CREB5: variants seen among roughly 807,000 people sequenced by gnomAD.
The protein encoded by CREB5 is cAMP responsive element binding protein 5, also known as cyclic AMP-responsive element-binding protein 5.
In CREB5, 19 loss-of-function variants were observed where a neutral mutation model predicts 57.1. The observed-to-expected ratio is 0.33, with a 90% CI of 0.23 to 0.49. The LOEUF (loss-of-function observed/expected upper bound fraction) is 0.49, where lower values mean the gene tolerates loss of function less well. Ranked by LOEUF, CREB5 falls within the 20% of genes least tolerant of loss-of-function variation. The pLI is 0.99. For missense variants in CREB5, 579 were observed against 671.6 expected (o/e 0.86, Z 1.52); for synonymous variants, 238 against 238.3 (o/e 1.00, Z 0.01).
intron 1 of CREB5, among the ~76,000 whole-genome samples, chr7:28,312,115 C>G (rs79876301): frequency 0.02 from 3,066 of 151,678 alleles, 68 homozygotes; most frequent in Admixed American, 0.056. Context: ...TAGCTGTTAT[C>G]AACTTGATGT....
chr7:28,345,661 C>A (rs1786044137), intron 1 of CREB5, among the ~76,000 whole-genome samples: 1 of 152,142 alleles, frequency 6.6e-6, no homozygotes, highest in Admixed American at 6.5e-5. Context: ...TTAGCAATAT[C>A]TTGTGTTGGT....
At chr7:28,601,956 G>C (rs1796933916) in intron 5 of CREB5, among the ~76,000 whole-genome samples, 2 of 149,196 alleles carry the variant, frequency 1.3e-5, no homozygotes, top group Admixed American at 1.3e-4. Flanking sequence ...ATAAGATTAA[G>C]ACATATTCTT....
At chr7:28,469,401 G>C (rs79073408) in intron 1 of CREB5, among the ~76,000 whole-genome samples, 1 of 152,026 alleles carries the variant, frequency 6.6e-6, no homozygotes, top group African/African-American at 2.4e-5. Context: ...AAATTAGCTG[G>C]GGCAATTAAG....
chr7:28,612,302 G>T (rs141726902), intron 5 of CREB5, among the ~76,000 whole-genome samples: 1,868 of 152,104 alleles, frequency 0.012, 25 homozygotes, highest in Non-Finnish European at 0.021. Context: ...ATGTCTGTTT[G>T]CAGGTCTCAG....
At chr7:28,380,488 C>T (rs1583409346) in intron 1 of CREB5, among the ~76,000 whole-genome samples, 1 of 152,160 alleles carries the variant, frequency 6.6e-6, no homozygotes, top group South Asian at 2.1e-4. Context: ...AAGGAAGAAT[C>T]CCACTGTGGG....
rs566414329 is a variant in CREB5 at position 28,370,522 on chromosome 7, TA to T, written c.-25+71084del. 8.3e-4 allele frequency among the ~76,000 whole-genome samples: 126 copies of T among 152,328 alleles called. 2 individuals are homozygous for T. Among genetic ancestry groups the T allele is most frequent in the African/African-American group, 3.0e-3 (124 of 41,580 alleles). ...TATTGCACAAAAGTGTGAGCCTCTT[TA>T]AATATGTAGAAATAGGGAAAATTGT... On this transcript the variant is annotated intron_variant, in intron 1 of 9. Coordinates refer to the CREB5 transcript ENST00000396299.
chr7:28,322,899 C>T (rs894054562), intron 1 of CREB5, among the ~76,000 whole-genome samples: 9 of 151,980 alleles, frequency 5.9e-5, no homozygotes, highest in Admixed American at 5.2e-4. Context: ...GTTCTTCCAC[C>T]ATGTCCCCTC....
intron 5 of CREB5, among the ~76,000 whole-genome samples, chr7:28,662,915 G>T (rs1799666511): frequency 6.6e-6 from 1 of 152,024 alleles, no homozygotes; most frequent in East Asian, 2.0e-4. Context: ...GGGAGGCTTA[G>T]GTGGGTGGAT....
At chr7:28,746,457 T>C (rs540579812) in intron 7 of CREB5, among the ~76,000 whole-genome samples, 1 of 152,320 alleles carries the variant, frequency 6.6e-6, no homozygotes, top group South Asian at 2.1e-4. Context: ...CCTTTAGGAA[T>C]GCAGAATCCC....
intron 9 of CREB5, among the ~76,000 whole-genome samples, chr7:28,809,782 G>A (rs970176417): frequency 3.2e-4 from 48 of 152,192 alleles, no homozygotes; most frequent in African/African-American, 1.1e-3. Flanking sequence ...ACTTTATAGA[G>A]TTGTTACGTT....
rs1459229383 is a variant in CREB5, at chr7:28,560,807, C to CGTGTGTGTGTGT, written c.292-9557_292-9556insTGTGTGTGTGTG. On this transcript the variant is annotated intron_variant, in intron 4 of 10. Transcript: ENST00000357727. The stretch of plus-strand genomic sequence containing the variant: ...TTTCTCTGCTTCCACAGTGTGTGTG[C>CGTGTGTGTGTGT]GCGTGTGTGTGTGTGCGCGCGCGCG... Among the ~76,000 whole-genome samples, 3 of 15,110 alleles carry CGTGTGTGTGTGT rather than the reference C, an allele frequency of 2.0e-4. 1 individual carries two copies. The highest frequency in any genetic ancestry group is 3.4e-3 in the South Asian group (1 of 292). The allele number at this position is 15,110 out of a possible 152,430, so 9.9% of individuals were successfully genotyped here.
chr7:28,617,318 T>G (rs1310963671), intron 5 of CREB5, among the ~76,000 whole-genome samples: 2 of 152,238 alleles, frequency 1.3e-5, no homozygotes, highest in East Asian at 3.8e-4. Context: ...CATTTCTTTT[T>G]TACCCGTGCA....
At chr7:28,468,090 T>C (rs989013650) in intron 1 of CREB5, among the ~76,000 whole-genome samples, 2 of 152,020 alleles carry the variant, frequency 1.3e-5, no homozygotes, top group African/African-American at 4.8e-5. Flanking sequence ...AAGTCATTAG[T>C]TGCTGAGTGG....
intron 5 of CREB5, among the ~76,000 whole-genome samples, chr7:28,711,738 G>A (rs527874327): frequency 5.8e-4 from 89 of 152,290 alleles, no homozygotes; most frequent in Non-Finnish European, 1.1e-3. Context: ...AAGTTCATTT[G>A]CCTCTGTAGA....
At chr7:28,548,808 C>T (rs1794514170) in intron 4 of CREB5, among the ~76,000 whole-genome samples, 1 of 152,006 alleles carries the variant, frequency 6.6e-6, no homozygotes, top group South Asian at 2.1e-4. Context: ...ATCAGTTTTC[C>T]CTAGATCAGA....
At chr7:28,448,351 AC>A (rs1213467222) in intron 1 of CREB5, among the ~76,000 whole-genome samples, 1 of 152,190 alleles carries the variant, frequency 6.6e-6, no homozygotes, top group Admixed American at 6.5e-5. Flanking sequence ...CCTCTAGAGA[AC>A]CCTGACTAAC....
At position 28,391,729 on chromosome 7, in the gene CREB5, C is replaced by T. The variant is rs532671127; in HGVS notation, c.-25+92288C>T. Among the ~76,000 whole-genome samples the T allele has an allele frequency of 2.6e-5, 4 of 152,324 alleles. No individual in the cohort carries two copies. The East Asian group carries it at 7.7e-4, about 29-fold the overall frequency. The stretch of plus-strand genomic sequence containing the variant: ...GGATGTGGTTCTTCTCACCAAATAT[C>T]AGAACAACAAATCAATCTTCCATCT... On this transcript the variant is annotated intron_variant, in intron 1 of 9. Transcript: ENST00000396299.
intron 7 of CREB5, among the ~76,000 whole-genome samples, chr7:28,754,961 A>G (rs1562618901): frequency 6.6e-6 from 1 of 152,240 alleles, no homozygotes; most frequent in Non-Finnish European, 1.5e-5. Flanking sequence ...GCCTGAGCAT[A>G]TAAACTCGCA....
chr7:28,311,179 G>A (rs558988335), intron 1 of CREB5, among the ~76,000 whole-genome samples: 7 of 149,158 alleles, frequency 4.7e-5, no homozygotes, highest in African/African-American at 1.2e-4. Context: ...ATGCAAAAGC[G>A]GTTTTGTGAA....
Sources: gnomAD v4.1 joint callset for allele counts (sites outside exome capture counted in the v4.1 genomes callset) on GRCh38, gnomAD v4.1.1 for gene constraint, MANE v1.5 for transcripts, NCBI Gene and HGNC (gene_info 2026-07-23, HGNC 2026-07-21) for gene names.